The following KCNIP4 variants were observed in gnomAD, a reference collection of about 807,000 sequenced individuals.
KCNIP4 encodes potassium voltage-gated channel interacting protein 4, also known as Kv channel-interacting protein 4.
In KCNIP4, 12 loss-of-function variants were observed where a neutral mutation model predicts 34.0. The observed-to-expected ratio is 0.35, with a 90% confidence interval of 0.23 to 0.57. The LOEUF is 0.57. Ranked by LOEUF, KCNIP4 falls within the 20% of genes least tolerant of loss-of-function variation. KCNIP4 has a pLI of 0.83. For synonymous variants in KCNIP4, 124 were observed against 102.2 expected, an observed-to-expected ratio of 1.21 and a Z score of -1.29; for missense variants, 238 against 311.7, an observed-to-expected ratio of 0.76 and a Z score of 1.78.
At chr4:21,174,604 A>T (rs554119709) in intron 1 of KCNIP4, among the ~76,000 whole-genome samples, 2 of 152,284 alleles carry the variant, frequency 1.3e-5, no homozygotes, top group South Asian at 4.1e-4. Context: ...ATTACTTTCA[A>T]AAATGCATTA....
At chr4:20,903,728 T>C (rs1727414047) in intron 1 of KCNIP4, among the ~76,000 whole-genome samples, 1 of 152,076 alleles carries the variant, frequency 6.6e-6, no homozygotes, top group South Asian at 2.1e-4. Context: ...GTTCTCAGGA[T>C]CTCCTGAGGG....
At chr4:20,958,276 A>C (rs1733510251) in intron 1 of KCNIP4, among the ~76,000 whole-genome samples, 1 of 152,236 alleles carries the variant, frequency 6.6e-6, no homozygotes, top group African/African-American at 2.4e-5. Flanking sequence ...CAGAGAACAC[A>C]AATCCAAAGT....
At chr4:21,510,056 C>A (rs1397801462) in intron 1 of KCNIP4, among the ~76,000 whole-genome samples, 1 of 114,366 alleles carries the variant, frequency 8.7e-6, no homozygotes, top group African/African-American at 3.7e-5. Context: ...CCACTTGGGG[C>A]ACAAGAGCAA....
intron 1 of KCNIP4, among the ~76,000 whole-genome samples, chr4:21,796,953 C>T (rs933516336): frequency 6.6e-6 from 1 of 152,120 alleles, no homozygotes; most frequent in African/African-American, 2.4e-5. Context: ...ACGCTTCTGA[C>T]ATTGGCAAAG....
intron 1 of KCNIP4, among the ~76,000 whole-genome samples, chr4:21,247,054 C>A (rs950932946): frequency 2.6e-5 from 4 of 151,910 alleles, no homozygotes; most frequent in African/African-American, 7.3e-5. Flanking sequence ...AATAACTTAA[C>A]TCAAATCAGC....
intron 1 of KCNIP4, among the ~76,000 whole-genome samples, chr4:21,114,657 C>A (rs1749533614): frequency 6.6e-6 from 1 of 152,064 alleles, no homozygotes; most frequent in African/African-American, 2.4e-5. Context: ...ACTATGTACC[C>A]AAATACCAAT....
intron 1 of KCNIP4, among the ~76,000 whole-genome samples, chr4:21,900,480 C>G (rs1316260633): frequency 6.6e-6 from 1 of 152,118 alleles, no homozygotes; most frequent in African/African-American, 2.4e-5. Context: ...GCCTGGCTCC[C>G]TAAAATGAGA....
chr4:20,745,659 T>C (rs1213919724), intron 5 of KCNIP4, among the ~76,000 whole-genome samples: 1 of 152,190 alleles, frequency 6.6e-6, no homozygotes. Context: ...GTTTCCATTC[T>C]CTTATTATCA....
intron 1 of KCNIP4, among the ~76,000 whole-genome samples, chr4:21,356,511 A>G (rs2109392658): frequency 6.6e-6 from 1 of 152,330 alleles, no homozygotes; most frequent in Middle Eastern, 3.4e-3. Flanking sequence ...AGGCATTCTT[A>G]TACATCAATA....
At chr4:21,897,540 G>A (rs1344845822) in intron 1 of KCNIP4, among the ~76,000 whole-genome samples, 1 of 152,162 alleles carries the variant, frequency 6.6e-6, no homozygotes, top group Non-Finnish European at 1.5e-5. Context: ...TAGGCAACAT[G>A]CCACAATGTG....
At chr4:21,569,265 A>AAAAAAAAAAAAAAAAT (rs1740170364) in intron 1 of KCNIP4, among the ~76,000 whole-genome samples, 1 of 123,278 alleles carries the variant, frequency 8.1e-6, no homozygotes, top group Non-Finnish European at 1.8e-5. Context: ...AAAAAAAAAA[A>AAAAAAAAAAAAAAAAT]GCTTGATTGA....
At position 20,732,107 on chromosome 4, in the gene KCNIP4, C is replaced by A. The variant is rs766441686; in HGVS notation, c.643-39G>T. 6 of 1,365,612 alleles carry A rather than the reference C, an allele frequency of 4.4e-6. No homozygotes were observed. The South Asian group carries it at 7.0e-5, about 16-fold the overall frequency. The allele number at this position is 1,365,612 out of a possible 1,614,324, so 84.6% of individuals were successfully genotyped here. On this transcript the variant is annotated intron_variant, in intron 7 of 8. Coordinates refer to ENST00000382152, the MANE Select transcript of KCNIP4 (RefSeq NM_025221.6). ...AAACAAAAATTGTATTTAGACTTAT[C>A]CCTTAATACCCTCACACCTGGACCA...
chr4:21,933,549 A>G (rs995466205), intron 1 of KCNIP4, among the ~76,000 whole-genome samples: 1 of 152,074 alleles, frequency 6.6e-6, no homozygotes. Flanking sequence ...CTTTTCTGAA[A>G]AACTCAGCAT....
At chr4:20,737,060 A>AATATC (rs1205222537) in intron 5 of KCNIP4, among the ~76,000 whole-genome samples, 4 of 152,192 alleles carry the variant, frequency 2.6e-5, no homozygotes, top group Admixed American at 2.6e-4. Flanking sequence ...CTATGGAAAG[A>AATATC]ATAATCTCAA....
At position 21,591,519 on chromosome 4, in the gene KCNIP4, G is replaced by T. The variant is rs148376087; in HGVS notation, c.61+357052C>A. 2.3e-3 allele frequency among the ~76,000 whole-genome samples: 346 copies of T among 151,942 alleles called. 3 individuals carry two copies. Among genetic ancestry groups the T allele is most frequent in the African/African-American group, 7.7e-3 (319 of 41,470 alleles). On this transcript the variant is annotated intron_variant, in intron 1 of 8. Transcript: ENST00000382152. Reference sequence around the variant, plus strand: ...TTGTCTATTGCAGTGCAAATTTGTGGTGTCTAAATTATGATTGCCCTATAA... The same window carrying T: ...TTGTCTATTGCAGTGCAAATTTGTGTTGTCTAAATTATGATTGCCCTATAA...
intron 1 of KCNIP4, among the ~76,000 whole-genome samples, chr4:21,519,104 C>T (rs1328425190): frequency 6.6e-6 from 1 of 152,044 alleles, no homozygotes; most frequent in African/African-American, 2.4e-5. Flanking sequence ...AATTCACATG[C>T]TGAAATCCTA....
chr4:20,845,157 G>C (rs1720212064), intron 3 of KCNIP4, among the ~76,000 whole-genome samples: 2 of 152,118 alleles, frequency 1.3e-5, no homozygotes, highest in South Asian at 4.1e-4. Flanking sequence ...CCCCTGAGCA[G>C]GCTGCACCAT....
intron 2 of KCNIP4, among the ~76,000 whole-genome samples, chr4:20,877,397 A>G (rs959437577): frequency 1.3e-5 from 2 of 152,096 alleles, no homozygotes; most frequent in African/African-American, 4.8e-5. Context: ...TGCCCTATTT[A>G]AATATGCCTT....
At chr4:20,816,253 C>CA (rs534519786) in intron 3 of KCNIP4, among the ~76,000 whole-genome samples, 8,929 of 84,344 alleles carry the variant, frequency 0.11, 388 homozygotes, top group East Asian at 0.29. Context: ...GACTCCATCT[C>CA]AAAAAAAAAA....
Sources: gnomAD v4.1 joint callset for allele counts (sites outside exome capture counted in the v4.1 genomes callset) on GRCh38, gnomAD v4.1.1 for gene constraint, MANE v1.5 for transcripts, NCBI Gene and HGNC (gene_info 2026-07-23, HGNC 2026-07-21) for gene names.